MBNL2: variants seen among roughly 807,000 people sequenced by gnomAD.
MBNL2 encodes the protein muscleblind like splicing regulator 2.
A neutral mutation model predicts 41.9 loss-of-function variants in MBNL2; 17 were observed. The ratio of observed to expected loss-of-function variants is 0.41; its 90% confidence interval spans 0.28 to 0.61. MBNL2 has a LOEUF of 0.61. Among genes scored for constraint, MBNL2 ranks in the 20% least tolerant of loss-of-function variants. The probability of loss-of-function intolerance (pLI) is 0.35; values close to 1 mark genes in which losing one functional copy is unlikely to be tolerated. For missense variants in MBNL2, 336 were observed against 505.6 expected (o/e 0.66, Z 3.22); for synonymous variants, 195 against 182.9 (o/e 1.07, Z -0.53).
chr13:97,353,909 A>G (rs2062737432), intron 5 of MBNL2, among the ~76,000 whole-genome samples: 1 of 152,080 alleles, frequency 6.6e-6, no homozygotes, highest in African/African-American at 2.4e-5. Flanking sequence ...CTTCTTTCCT[A>G]CTTTAAAGTG....
At chr13:97,191,081 G>T in the MBNL2 span, among the ~76,000 whole-genome samples, 1,960 of 152,020 alleles carry the variant, frequency 0.013, 34 homozygotes, top group African/African-American at 0.045. Flanking sequence ...ACAGTGGAAT[G>T]ATTAGGTCTG....
At chr13:97,232,697 T>C (rs2042545295) in intron 1 of MBNL2, among the ~76,000 whole-genome samples, 1 of 152,104 alleles carries the variant, frequency 6.6e-6, no homozygotes, top group Non-Finnish European at 1.5e-5. Context: ...TAAATAGACA[T>C]AAGCAATTAC....
chr13:97,172,524 A>T, the MBNL2 span: 1 of 152,118 alleles, frequency 6.6e-6, no homozygotes, highest in Non-Finnish European at 1.5e-5. Context: ...ATCCTAGAAG[A>T]GACTGCAAAT....
At chr13:97,276,480 T>C in intron 2 of MBNL2, 71 bp downstream of exon 2, 2 of 1,394,554 alleles carry the variant, frequency 1.4e-6, no homozygotes, top group Middle Eastern at 1.8e-4. Flanking sequence ...TTTCATTGCA[T>C]TTTTACAGAA....
intron 2 of MBNL2, among the ~76,000 whole-genome samples, chr13:97,327,317 CATACAT>C (rs1489900386): frequency 1.3e-5 from 2 of 152,124 alleles, no homozygotes. Flanking sequence ...CCATTGCCAA[CATACAT>C]CCCTGGTGTC....
Position 97,334,729 on chromosome 13 carries a change from G to C in MBNL2, c.339+289G>C, listed in dbSNP as rs1371917942. ...TCTCAGCCATCTTAGAACGGAAATAGTTTTAACATGTTCATTTACAGTGTG... is the reference window on the plus strand; with the variant it reads ...TCTCAGCCATCTTAGAACGGAAATACTTTTAACATGTTCATTTACAGTGTG... On this transcript the variant is annotated intron_variant, in intron 3 of 8. Transcript: ENST00000679496. The surrounding 1 kb of genome is among the most constrained non-coding windows in gnomAD (Gnocchi z 5.3). Among the ~76,000 whole-genome samples, 1 of 152,162 alleles carries C rather than the reference G, an allele frequency of 6.6e-6. No homozygotes were observed. The highest frequency in any genetic ancestry group is 1.5e-5 in the Non-Finnish European group (1 of 68,022).
intron 1 of MBNL2, among the ~76,000 whole-genome samples, chr13:97,252,987 TC>T (rs1335646710): frequency 6.6e-6 from 1 of 152,198 alleles, no homozygotes; most frequent in Non-Finnish European, 1.5e-5. Context: ...CTATTTTACA[TC>T]TTGTTGTGAA....
chr13:97,368,095 A>G (rs1261125274), intron 8 of MBNL2, among the ~76,000 whole-genome samples: 1 of 152,190 alleles, frequency 6.6e-6, no homozygotes, highest in African/African-American at 2.4e-5. Context: ...CCCAATTTTT[A>G]TTACAAAGTC....
chr13:97,273,992 C>G (rs1479362869), intron 1 of MBNL2, among the ~76,000 whole-genome samples: 1 of 151,954 alleles, frequency 6.6e-6, no homozygotes, highest in Non-Finnish European at 1.5e-5. Flanking sequence ...ACTCAGGAGG[C>G]AGAGGTTGCA....
intron 1 of MBNL2, among the ~76,000 whole-genome samples, chr13:97,229,579 A>G (rs896149792): frequency 6.6e-6 from 1 of 152,164 alleles, no homozygotes; most frequent in African/African-American, 2.4e-5. Flanking sequence ...AGAATGTATG[A>G]TCAAAAATGT....
chr13:97,235,298 T>C (rs2043066916), intron 1 of MBNL2, among the ~76,000 whole-genome samples: 2 of 152,334 alleles, frequency 1.3e-5, no homozygotes, highest in Middle Eastern at 3.4e-3. Context: ...AAAATTTGCA[T>C]TTTTAACAAA....
chr13:97,148,661 C>G, the MBNL2 span, among the ~76,000 whole-genome samples: 1 of 152,076 alleles, frequency 6.6e-6, no homozygotes, highest in Non-Finnish European at 1.5e-5. Context: ...AATGATCATG[C>G]AGACTAAGAG....
At chr13:97,383,438 G>C (rs9516920) in intron 8 of MBNL2, among the ~76,000 whole-genome samples, 145,435 of 152,314 alleles carry the variant, frequency 0.95, 69,500 homozygotes, top group Middle Eastern at 1. Context: ...CATGTAAAAC[G>C]TCAATTATTA....
At chr13:97,350,233 T>C (rs576803397) in intron 5 of MBNL2, among the ~76,000 whole-genome samples, 1 of 152,320 alleles carries the variant, frequency 6.6e-6, no homozygotes, top group South Asian at 2.1e-4. Flanking sequence ...GAAGAATATA[T>C]ACACACCTTA....
At chr13:97,213,136 G>C in the MBNL2 span, among the ~76,000 whole-genome samples, 1 of 152,186 alleles carries the variant, frequency 6.6e-6, no homozygotes, top group Non-Finnish European at 1.5e-5. Context: ...TAAAGCTAAG[G>C]ACCTCAGTCA....
At chr13:97,210,638 G>A in the MBNL2 span, among the ~76,000 whole-genome samples, 1 of 125,476 alleles carries the variant, frequency 8.0e-6, no homozygotes, top group East Asian at 2.4e-4. Flanking sequence ...TGTTGCCCAG[G>A]CTGGAGTGCA....
At chr13:97,163,680 C>G in the MBNL2 span, among the ~76,000 whole-genome samples, 1 of 152,202 alleles carries the variant, frequency 6.6e-6, no homozygotes, top group South Asian at 2.1e-4. Context: ...CTCTTCCTCT[C>G]GCTCACACGG....
chr13:97,348,360 G>A (rs955883483), intron 5 of MBNL2, among the ~76,000 whole-genome samples: 7 of 152,010 alleles, frequency 4.6e-5, no homozygotes, highest in African/African-American at 9.7e-5. Flanking sequence ...CATACCTGGC[G>A]ACAGTGGCAG....
At chr13:97,361,615 G>A (rs2063394418) in intron 7 of MBNL2, among the ~76,000 whole-genome samples, 1 of 152,088 alleles carries the variant, frequency 6.6e-6, no homozygotes. Flanking sequence ...TAACATGACT[G>A]ATCCTAGCCC....
Sources: gnomAD v4.1 joint callset for allele counts (sites outside exome capture counted in the v4.1 genomes callset) on GRCh38, gnomAD v4.1.1 for gene constraint, Gnocchi (gnomAD v3.1) non-coding constraint, MANE v1.5 for transcripts, NCBI Gene and HGNC (gene_info 2026-07-23, HGNC 2026-07-21) for gene names.